Variants in NR3C2 observed in about 807,000 individuals in gnomAD.
The protein encoded by NR3C2 is nuclear receptor subfamily 3 group C member 2.
In NR3C2, 15 loss-of-function variants were observed where a neutral mutation model predicts 86.4. The ratio of observed to expected loss-of-function variants is 0.17; its 90% confidence interval spans 0.12 to 0.27. The LOEUF is 0.27. Among genes scored for constraint, NR3C2 ranks in the 10% least tolerant of loss-of-function variants. The pLI is 1.00. For missense variants in NR3C2, 960 were observed against 1,195.6 expected (o/e 0.80, Z 2.91); for synonymous variants, 458 against 450.5 (o/e 1.02, Z -0.21).
At position 148,386,022 on chromosome 4, in the gene NR3C2, G is replaced by A. The variant is rs918052786; in HGVS notation, c.1757+49082C>T. Reference sequence around the variant, plus strand: ...GCTCTCTGCTGGAGGCACAGACAGGGATAAGGGGAGGACCCAAGGTGGTCC... The same window carrying A: ...GCTCTCTGCTGGAGGCACAGACAGGAATAAGGGGAGGACCCAAGGTGGTCC... On this transcript the variant is annotated intron_variant, in intron 2 of 8. Coordinates refer to ENST00000358102, the MANE Select transcript of NR3C2 (RefSeq NM_000901.5). Among the ~76,000 whole-genome samples the A allele has an allele frequency of 3.3e-5, 5 of 152,304 alleles. No homozygotes were observed. In the East Asian group the frequency reaches 9.7e-4, roughly 29 times the overall value.
chr4:148,081,338 G>T lies in NR3C2; in HGVS notation c.*6C>A. ...TTAAGGCAAAGTTCTTCTGGGCAGC[G>T]GGCAGTCACTTCCGGTGGAAGTAGA... On this transcript the variant is annotated 3_prime_UTR_variant, in exon 9 of 9. Coordinates refer to ENST00000358102, the MANE Select transcript of NR3C2 (RefSeq NM_000901.5). The T allele has an allele frequency of 6.2e-7, 1 of 1,614,180 alleles. No homozygotes were observed. Among genetic ancestry groups the T allele is most frequent in the South Asian group, 1.1e-5 (1 of 91,076 alleles).
intron 4 of NR3C2, among the ~76,000 whole-genome samples, chr4:148,171,648 C>T (rs1735132721): frequency 6.6e-6 from 1 of 152,218 alleles, no homozygotes; most frequent in African/African-American, 2.4e-5. Context: ...GCGGCACTTG[C>T]CCATCACTCA....
chr4:148,101,967 C>G (rs988766862), intron 8 of NR3C2, among the ~76,000 whole-genome samples: 19 of 152,172 alleles, frequency 1.2e-4, no homozygotes, highest in African/African-American at 4.6e-4. Context: ...ATTACCATGC[C>G]TTGAGTCGAT....
intron 3 of NR3C2, among the ~76,000 whole-genome samples, chr4:148,216,893 A>G (rs953636619): frequency 6.6e-6 from 1 of 152,222 alleles, no homozygotes; most frequent in African/African-American, 2.4e-5. Context: ...ATTACAGATC[A>G]GACCCACAAG....
chr4:148,430,506 T>C (rs1220209341), intron 2 of NR3C2, among the ~76,000 whole-genome samples: 1 of 152,170 alleles, frequency 6.6e-6, no homozygotes, highest in African/African-American at 2.4e-5. Flanking sequence ...TAAAATAATT[T>C]ACAAAAATAT....
In NR3C2 at chr4:148,114,137, G is replaced by A; in HGVS notation, c.2766C>T (p.Tyr922=). ...TGGAGTCCAGCAGCTTGGTCAGTTG[G>A]TAGAACCTCTGCCAGCTCTGCCCAG... is the stretch of plus-strand genomic sequence containing the variant. The part of the protein sequence containing the change: ...NNSGQSWQRF[Y]QLTKLLDSMH... The change falls in exon 8 of 9, where the codon TAC becomes TAT. Residue 922 remains tyrosine, a synonymous_variant. Transcript: ENST00000358102. 2 of 1,613,698 alleles carry A rather than the reference G, an allele frequency of 1.2e-6. No individual in the cohort carries two copies. Among genetic ancestry groups the A allele is most frequent in the Non-Finnish European group, 1.7e-6 (2 of 1,179,906 alleles).
intron 4 of NR3C2, among the ~76,000 whole-genome samples, chr4:148,179,741 A>G (rs1371286695): frequency 6.6e-6 from 1 of 151,888 alleles, no homozygotes; most frequent in African/African-American, 2.4e-5. Context: ...AAAGAGATAC[A>G]GCAAATTCTT....
chr4:148,383,489 T>G (rs1433511969), intron 2 of NR3C2, among the ~76,000 whole-genome samples: 1 of 152,208 alleles, frequency 6.6e-6, no homozygotes, highest in Non-Finnish European at 1.5e-5. Context: ...AAATCAAACA[T>G]GATACCTTTG....
Position 148,189,730 on chromosome 4 carries a change from T to A in NR3C2, c.2014+5016A>T, listed in dbSNP as rs1021698947. On this transcript the variant is annotated intron_variant, in intron 4 of 8. Coordinates refer to ENST00000358102, the MANE Select transcript of NR3C2 (RefSeq NM_000901.5). The stretch of plus-strand genomic sequence containing the variant: ...CATTTTAATCTGCTTGTTATTGGTC[T>A]GCTCAAGGTATCTAATTCTTCCAGA... Among the ~76,000 whole-genome samples, 6 of 152,214 alleles carry A rather than the reference T, an allele frequency of 3.9e-5. No homozygotes were observed. The East Asian group carries it at 1.2e-3, about 29-fold the overall frequency.
intron 2 of NR3C2, among the ~76,000 whole-genome samples, chr4:148,407,648 G>C (rs1296467096): frequency 6.7e-6 from 1 of 148,890 alleles, no homozygotes; most frequent in Non-Finnish European, 1.5e-5. Flanking sequence ...CGCACATAAT[G>C]AATCTAAATG....
At chr4:148,301,892 ATCT>A (rs1742354761) in intron 2 of NR3C2, among the ~76,000 whole-genome samples, 3 of 152,326 alleles carry the variant, frequency 2.0e-5, no homozygotes, top group Middle Eastern at 6.8e-3. Context: ...ATGATGTTTA[ATCT>A]TCTTCAGGTT....
chr4:148,291,311 T>C (rs781690078), intron 2 of NR3C2, among the ~76,000 whole-genome samples: 3 of 152,120 alleles, frequency 2.0e-5, no homozygotes, highest in Admixed American at 6.5e-5. Context: ...TTTAGTTTGC[T>C]ATATAAGGGA....
intron 2 of NR3C2, among the ~76,000 whole-genome samples, chr4:148,327,762 ATTGT>A (rs750351225): frequency 9.9e-5 from 15 of 151,898 alleles, no homozygotes; most frequent in Non-Finnish European, 2.1e-4. Context: ...CTGAGATGAA[ATTGT>A]TTGGTCTCAT....
In NR3C2 at chr4:148,154,670, A is replaced by G; in HGVS notation, c.2246T>C (p.Ile749Thr). 6.2e-7 allele frequency: 1 copy of G among 1,614,124 alleles called. No individual in the cohort carries two copies. The highest frequency in any genetic ancestry group is 8.5e-7 in the Non-Finnish European group (1 of 1,180,024). ...VMVLENIEPE[I>T]VYAGYDSSKP... ...TGAGCTGTCATAGCCTGCATATACA[A>G]TTTCAGGTTCAATGTTTTCAAGGAC... is the stretch of plus-strand genomic sequence containing the variant. Residue 749 changes from isoleucine to threonine, a missense_variant, in exon 5 of 9, where the codon ATT becomes ACT. Around this residue, in one of 4 missense-constraint regions of NR3C2, gnomAD observed 151 missense variants for 296.3 expected, o/e 0.51. Coordinates refer to ENST00000358102, the MANE Select transcript of NR3C2 (RefSeq NM_000901.5).
intron 3 of NR3C2, among the ~76,000 whole-genome samples, chr4:148,204,870 A>T (rs1185878060): frequency 6.6e-6 from 1 of 152,214 alleles, no homozygotes; most frequent in Non-Finnish European, 1.5e-5. Context: ...CCTGATCTAA[A>T]TATACCTCTA....
At chr4:148,134,900 G>C (rs529082859) in intron 6 of NR3C2, among the ~76,000 whole-genome samples, 2 of 150,906 alleles carry the variant, frequency 1.3e-5, no homozygotes, top group African/African-American at 4.9e-5. Context: ...CAGGTGATCC[G>C]CCCCACCTCG....
intron 3 of NR3C2, among the ~76,000 whole-genome samples, chr4:148,203,045 A>G (rs997986120): frequency 3.9e-5 from 6 of 152,138 alleles, no homozygotes; most frequent in Non-Finnish European, 7.3e-5. Flanking sequence ...TTTCTTTTTC[A>G]TATCTTGAAG....
chr4:148,221,162 CAT>C (rs894363254), intron 3 of NR3C2, among the ~76,000 whole-genome samples: 2 of 152,364 alleles, frequency 1.3e-5, no homozygotes, highest in Non-Finnish European at 2.9e-5. Flanking sequence ...TCAGCTTGCT[CAT>C]CTATCTCCTG....
chr4:148,430,737 T>TC (rs1254425397), intron 2 of NR3C2, among the ~76,000 whole-genome samples: 1 of 152,142 alleles, frequency 6.6e-6, no homozygotes, highest in African/African-American at 2.4e-5. Flanking sequence ...TGGAAATATT[T>TC]CCTTCTCAAC....
Sources: gnomAD v4.1 joint callset for allele counts (sites outside exome capture counted in the v4.1 genomes callset) on GRCh38, gnomAD v4.1.1 for gene constraint, gnomAD v4.1.1 regional missense constraint, MANE v1.5 for transcripts, NCBI Gene and HGNC (gene_info 2026-07-23, HGNC 2026-07-21) for gene names.